The following LOXL3 variants were observed in gnomAD, a reference collection of about 807,000 sequenced individuals.
The protein encoded by LOXL3 is lysyl oxidase like 3, also known as lysyl oxidase homolog 3.
LOXL3 carries 60 observed loss-of-function variants against 91.8 expected under a neutral mutation model. That is an observed-to-expected ratio of 0.65 (90% CI 0.53 to 0.81). The LOEUF (loss-of-function observed/expected upper bound fraction) is 0.81, where lower values mean the gene tolerates loss of function less well. Ranked by LOEUF, LOXL3 falls within the 30% of genes least tolerant of loss-of-function variation. LOXL3 has a pLI of 0.00. For missense variants in LOXL3, 874 were observed against 1,000.4 expected (o/e 0.87, Z 1.70); for synonymous variants, 355 against 387.6 (o/e 0.92, Z 0.99).
At position 74,553,868 on chromosome 2, in the gene LOXL3, C is replaced by A. The variant is rs902043197; in HGVS notation, c.-13+8G>T. On this transcript the variant is annotated splice_region_variant and intron_variant, in intron 1 of 13. Transcript: ENST00000264094. ...CATTCCCTCTGCGGTTAGCGTGACT[C>A]CCCCTACCTTGGCCGAGCAGGACCC... 1 of 152,512 alleles carries A rather than the reference C, an allele frequency of 6.6e-6. No homozygotes were observed. Among genetic ancestry groups the A allele is most frequent in the Non-Finnish European group, 1.5e-5 (1 of 68,438 alleles). 9.4% of individuals were successfully genotyped at this position (152,512 alleles called of 1,614,324 possible).
In LOXL3 at chr2:74,532,443, T is replaced by C. The variant is rs1281260896; in HGVS notation, c.*1163A>G. The C allele has an allele frequency of 7.5e-6, 5 of 663,088 alleles. No individual in the cohort carries two copies. The highest frequency in any genetic ancestry group is 1.4e-5 in the Non-Finnish European group (5 of 360,908). The allele number at this position is 663,088 out of a possible 1,614,324, so 41.1% of individuals were successfully genotyped here. On this transcript the variant is annotated 3_prime_UTR_variant, in exon 14 of 14. Transcript: ENST00000264094. ...GCCCTCATGTGGTGTACATCTTTTA[T>C]GTACATGTTGCACTTTATTGCTAGA...
chr2:74,536,267 C>A lies in LOXL3; in HGVS notation c.1093+24G>T. The A allele has an allele frequency of 1.2e-6, 2 of 1,613,038 alleles. No homozygotes were observed. The highest frequency in any genetic ancestry group is 1.7e-6 in the Non-Finnish European group (2 of 1,179,722). On this transcript the variant is annotated intron_variant, in intron 6 of 13. Transcript: ENST00000264094. This position sits in a 1 kb window ranked among gnomAD's most constrained non-coding sequence, Gnocchi z 4.5. ...AGGAGCATGTACCTCCTTCCCTCTCCCTCCCACCTCCATGCCACCTCACCC... is the reference window on the plus strand; with the variant it reads ...AGGAGCATGTACCTCCTTCCCTCTCACTCCCACCTCCATGCCACCTCACCC...
Position 74,536,786 on chromosome 2 carries a change from C to T in LOXL3, c.835G>A (p.Val279Met), listed in dbSNP as rs780593318. 6.2e-7 allele frequency: 1 copy of T among 1,614,222 alleles called. No homozygotes were observed. The highest frequency in any genetic ancestry group is 1.3e-5 in the African/African-American group (1 of 75,060). ...TAGACAGGGCCTGGCACACAGCTCA[C>T]CACTGCAGGGCCCCCCCCAGGGCAC... The part of the protein sequence containing the change: ...ARCPGGGPAV[V>M]SCVPGPVYAA... The change falls in exon 5 of 14, where the codon GTG (valine) becomes ATG (methionine). Residue 279 changes from valine to methionine, a missense_variant. By Grantham distance (21) the Val-to-Met change is conservative. Coordinates refer to ENST00000264094, the MANE Select transcript of LOXL3 (RefSeq NM_032603.5). This position sits in a 1 kb window ranked among gnomAD's most constrained non-coding sequence, Gnocchi z 4.5.
chr2:74,541,598 CATGTCTAAA>C (rs754931507), intron 4 of LOXL3, among the ~76,000 whole-genome samples: 31 of 152,140 alleles, frequency 2.0e-4, no homozygotes, highest in Non-Finnish European at 3.5e-4. Context: ...TTTTCTCAAA[CATGTCTAAA>C]ATGTCTAAAA....
chr2:74,551,486 G>C (rs1479097186), intron 2 of LOXL3, among the ~76,000 whole-genome samples: 1 of 152,236 alleles, frequency 6.6e-6, no homozygotes, highest in East Asian at 1.9e-4. Flanking sequence ...CCACACGACT[G>C]TCCTTCCCAT....
Position 74,536,881 on chromosome 2 carries a change from G to A in LOXL3, c.740C>T (p.Ala247Val). 4.3e-6 allele frequency: 7 copies of A among 1,614,176 alleles called. No individual in the cohort carries two copies. The highest frequency in any genetic ancestry group is 2.2e-5 in the East Asian group (1 of 44,878). Residue 247 changes from alanine (A) to valine (V), a missense_variant, in exon 5 of 14, where the codon GCG (alanine) becomes GTG (valine). Ala to Val is a moderately conservative substitution (Grantham distance 64, BLOSUM62 0). Coordinates refer to ENST00000264094, the MANE Select transcript of LOXL3 (RefSeq NM_032603.5). This position sits in a 1 kb window ranked among gnomAD's most constrained non-coding sequence, Gnocchi z 4.5. ...GAGGTGGGCCTCCGTGCCCACGCAC[G>A]CCACCCCATGCAGACCAAAGGAGTG... ...QQHSFGLHGV[A>V]CVGTEAHLSL...
At chr2:74,547,297 G>T (rs1676651679) in intron 4 of LOXL3, among the ~76,000 whole-genome samples, 1 of 152,196 alleles carries the variant, frequency 6.6e-6, no homozygotes, top group Non-Finnish European at 1.5e-5. Context: ...GGGATTATAG[G>T]CATGAGCCAC....
chr2:74,534,807 C>T, intron 9 of LOXL3, 33 bp from the exon 10 acceptor site: 1 of 1,599,482 alleles, frequency 6.3e-7, no homozygotes, highest in Non-Finnish European at 8.5e-7. Flanking sequence ...TGTTAGAAGT[C>T]ACTGCTGACT....
upstream of LOXL3, chr2:74,555,654 G>T (rs759604626): frequency 6.2e-7 from 1 of 1,614,052 alleles, no homozygotes; most frequent in Non-Finnish European, 8.5e-7. The surrounding 1 kb of genome is among the most constrained non-coding windows in gnomAD (Gnocchi z 6.1). Flanking sequence ...TCCTTGTACA[G>T]CCCTACCTGG....
chr2:74,555,116 A>G (rs373347212), upstream of LOXL3: 293 of 1,577,884 alleles, frequency 1.9e-4, no homozygotes, highest in Admixed American at 9.0e-4. The surrounding 1 kb of genome is among the most constrained non-coding windows in gnomAD (Gnocchi z 6.1). Context: ...CCGCCTGCGC[A>G]CGCCACTCCC....
rs769677659 is a variant in LOXL3, at chr2:74,533,226, A to C, written c.*380T>G. 1 of 568,392 alleles carries C rather than the reference A, an allele frequency of 1.8e-6. No homozygotes were observed. 35.2% of individuals were successfully genotyped at this position (568,392 alleles called of 1,614,324 possible). On this transcript the variant is annotated 3_prime_UTR_variant, in exon 14 of 14. Transcript: ENST00000264094. ...GAGGGCTGGATCTTTTCCCCCACCA[A>C]AAGGCTAGAGGTAAAGCTGTATCCC...
At chr2:74,538,553 G>A (rs1489960955) in intron 4 of LOXL3, among the ~76,000 whole-genome samples, 7 of 152,142 alleles carry the variant, frequency 4.6e-5, no homozygotes, top group African/African-American at 1.4e-4. Flanking sequence ...TTCCCACTTC[G>A]AGTTCTAAAG....
intron 4 of LOXL3, among the ~76,000 whole-genome samples, chr2:74,548,033 C>CTGGG (rs1676712677): frequency 6.6e-6 from 1 of 152,212 alleles, no homozygotes; most frequent in East Asian, 1.9e-4. Flanking sequence ...GTGGAAGGAA[C>CTGGG]ATATTTTACA....
Position 74,532,992 on chromosome 2 carries a change from C to T in LOXL3, c.*614G>A. ...CCCTGAGGTCACAGAATGAATAGAT[C>T]ACCAAGAGTATGAGGCTCCTGCTCT... On this transcript the variant is annotated 3_prime_UTR_variant, in exon 14 of 14. Coordinates refer to ENST00000264094, the MANE Select transcript of LOXL3 (RefSeq NM_032603.5). 6.2e-7 allele frequency: 1 copy of T among 1,613,362 alleles called. No individual in the cohort carries two copies.
chr2:74,539,341 T>G (rs1676189949), intron 4 of LOXL3, among the ~76,000 whole-genome samples: 1 of 152,156 alleles, frequency 6.6e-6, no homozygotes, highest in Admixed American at 6.5e-5. Context: ...TGAACTGCAT[T>G]TCAGGAACTC....
At position 74,546,828 on chromosome 2, in the gene LOXL3, C is replaced by T. The variant is rs184330112; in HGVS notation, c.692+2541G>A. Among the ~76,000 whole-genome samples, 512 of 152,190 alleles carry T rather than the reference C, an allele frequency of 3.4e-3. 2 individuals are homozygous for T. The highest frequency in any genetic ancestry group is 6.3e-3 in the Non-Finnish European group (428 of 68,000). On this transcript the variant is annotated intron_variant, in intron 4 of 13. Transcript: ENST00000264094. Reference sequence around the variant, plus strand: ...GCCTCCCGGGTTCAAGCCATTCTCCCGCCTCAGCCTCCCGAGTAGCTGGGA... The same window carrying T: ...GCCTCCCGGGTTCAAGCCATTCTCCTGCCTCAGCCTCCCGAGTAGCTGGGA...
chr2:74,543,800 C>T (rs987248458), intron 4 of LOXL3, among the ~76,000 whole-genome samples: 1 of 147,350 alleles, frequency 6.8e-6, no homozygotes, highest in African/African-American at 2.5e-5. Flanking sequence ...ACTCGAGAGG[C>T]TGAGGTAGGA....
chr2:74,534,584 A>C lies in LOXL3; in HGVS notation c.1770T>G (p.Ala590=). 1 of 1,614,220 alleles carries C rather than the reference A, an allele frequency of 6.2e-7. No homozygotes were observed. Among genetic ancestry groups the C allele is most frequent in the South Asian group, 1.1e-5 (1 of 91,080 alleles). The change falls in exon 10 of 14, where the codon GCT becomes GCG. Residue 590 remains alanine, a synonymous_variant. Transcript: ENST00000264094. ...GGCGCCCAGCCTTGGGCCTGAAGTC[A>C]GCTCGTCCCAGGTTGTGGATCTGGG... ...FSSQIHNLGR[A]DFRPKAGRHS...
chr2:74,535,839 C>G lies in LOXL3; in HGVS notation c.1249-84G>C. On this transcript the variant is annotated intron_variant, in intron 7 of 13. Coordinates refer to ENST00000264094, the MANE Select transcript of LOXL3 (RefSeq NM_032603.5). The surrounding 1 kb of genome is among the most constrained non-coding windows in gnomAD (Gnocchi z 4.2). ...TCTAACAGATGTGGCTGAAGCGTGA[C>G]TCAGGCACATAATGGGCTAGCAAGT... 3 of 1,490,888 alleles carry G rather than the reference C, an allele frequency of 2.0e-6. No homozygotes were observed. The highest frequency in any genetic ancestry group is 1.3e-5 in the South Asian group (1 of 74,878). 92.4% of individuals were successfully genotyped at this position (1,490,888 alleles called of 1,614,324 possible). A position where few individuals can be genotyped will look rare whatever the true frequency, so the allele number is the denominator to read the frequency against.
Sources: allele counts gnomAD v4.1 joint callset (sites outside exome capture counted in the v4.1 genomes callset), GRCh38; gene constraint gnomAD v4.1.1; non-coding constraint Gnocchi (gnomAD v3.1); transcripts MANE v1.5; gene names NCBI Gene and HGNC (gene_info 2026-07-23, HGNC 2026-07-21).